The following TJP2 variants were observed in gnomAD, a reference collection of about 807,000 sequenced individuals.
TJP2 encodes Friedreich ataxia region gene X104 (tight junction protein ZO-2).
Under a neutral mutation model 133.1 loss-of-function variants are expected in TJP2, and 91 were observed. That is an observed-to-expected ratio of 0.68 (90% CI 0.58 to 0.81). The LOEUF is 0.81. Among genes scored for constraint, TJP2 ranks in the 40% least tolerant of loss-of-function variants. TJP2 has a pLI of 0.00. For synonymous variants in TJP2, 592 were observed against 583.4 expected (o/e 1.01, Z -0.21); for missense variants, 1,541 against 1,565.6 (o/e 0.98, Z 0.26).
chr9:69,176,311 A>G (rs1044201578), intron 1 of TJP2, among the ~76,000 whole-genome samples: 4 of 151,896 alleles, frequency 2.6e-5, no homozygotes, highest in African/African-American at 7.3e-5. Flanking sequence ...GGTGGATGCT[A>G]CGTAAATGGT....
chr9:69,145,149 A>G (rs1476845143), intron 1 of TJP2, among the ~76,000 whole-genome samples: 2 of 152,222 alleles, frequency 1.3e-5, no homozygotes, highest in Non-Finnish European at 2.9e-5. Flanking sequence ...AATCTTTGCT[A>G]TTGACCCAAG....
In TJP2 at chr9:69,211,162, G is replaced by A. The variant is rs184634157; in HGVS notation, c.61-1386G>A. ...AGACCAGCCTGATCAACATGGTGAA[G>A]CCCCATCTCTACTAAAATACAAAAA... is the stretch of plus-strand genomic sequence containing the variant. On this transcript the variant is annotated intron_variant, in intron 1 of 22. Transcript: ENST00000377245. Among the ~76,000 whole-genome samples the A allele has an allele frequency of 1.2e-4, 19 of 152,238 alleles. No homozygotes were observed. In the East Asian group the frequency reaches 3.7e-3, roughly 29 times the overall value.
intron 2 of TJP2, among the ~76,000 whole-genome samples, chr9:69,162,476 AT>A (rs1468703564): frequency 6.6e-6 from 1 of 152,204 alleles, no homozygotes; most frequent in Non-Finnish European, 1.5e-5. Flanking sequence ...CTCATTATCT[AT>A]GCTAAATGAA....
intron 1 of TJP2, chr9:69,204,970 G>T: frequency 7.6e-7 from 1 of 1,312,756 alleles, no homozygotes. Flanking sequence ...TTTCTTTTTT[G>T]CTCATAAGTA....
intron 1 of TJP2, among the ~76,000 whole-genome samples, chr9:69,139,092 C>T (rs1179152242): frequency 1.3e-5 from 2 of 151,848 alleles, no homozygotes; most frequent in Non-Finnish European, 2.9e-5. Flanking sequence ...TGGCTCACAC[C>T]TGTAATCCCA....
chr9:69,169,383 A>T (rs973247440), upstream of TJP2, among the ~76,000 whole-genome samples: 9 of 115,106 alleles, frequency 7.8e-5, no homozygotes, highest in African/African-American at 3.0e-4. Context: ...GGGGGGATGG[A>T]GTTTCACTCT....
rs1426616015 is a variant in TJP2, at chr9:69,126,689, G to A, written c.-131+4964G>A. ...AATGTAAAATGATAACAAAGGCTAC[G>A]CACCTCCATTTGGGAGAAATTTATA... On this transcript the variant is annotated intron_variant, in intron 1 of 5. Transcript: ENST00000423935. Among the ~76,000 whole-genome samples the A allele has an allele frequency of 3.9e-5, 3 of 77,302 alleles. 1 individual carries two copies. Among genetic ancestry groups the A allele is most frequent in the Non-Finnish European group, 8.9e-5 (3 of 33,534 alleles). 50.7% of individuals were successfully genotyped at this position (77,302 alleles called of 152,430 possible). A position where few individuals can be genotyped will look rare whatever the true frequency, so the allele number is the denominator to read the frequency against.
At position 69,254,681 on chromosome 9, in the gene TJP2, T is replaced by C. The variant is rs928813372; in HGVS notation, c.*307T>C. On this transcript the variant is annotated 3_prime_UTR_variant, in exon 23 of 23. Coordinates refer to ENST00000377245, the MANE Select transcript of TJP2 (RefSeq NM_004817.4). ...GTATTCTGTTTGCGTACTTGTAATA[T>C]GTATATTAAGAAGCAATAACTATTT... 14 of 586,326 alleles carry C rather than the reference T, an allele frequency of 2.4e-5. No individual in the cohort carries two copies. Among genetic ancestry groups the C allele is most frequent in the African/African-American group, 1.3e-4 (7 of 53,738 alleles). 36.3% of individuals were successfully genotyped at this position (586,326 alleles called of 1,614,324 possible).
rs530016219 is a variant in TJP2, at chr9:69,193,730, T to A, written c.61-18818T>A. ...ATTTCATCTGCTGTGTTTTATTAAGTCAAAAGAATTAGGAAGGCTTGTTGA... is the reference window on the plus strand; with the variant it reads ...ATTTCATCTGCTGTGTTTTATTAAGACAAAAGAATTAGGAAGGCTTGTTGA... On this transcript the variant is annotated intron_variant, in intron 1 of 22. Coordinates refer to ENST00000377245, the MANE Select transcript of TJP2 (RefSeq NM_004817.4). 2.7e-5 allele frequency among the ~76,000 whole-genome samples: 4 copies of A among 150,652 alleles called. No homozygotes were observed. In the East Asian group the frequency reaches 7.8e-4, roughly 29 times the overall value.
At chr9:69,210,678 C>G (rs1446478813) in intron 1 of TJP2, among the ~76,000 whole-genome samples, 1 of 152,040 alleles carries the variant, frequency 6.6e-6, no homozygotes, top group Non-Finnish European at 1.5e-5. Context: ...CCATTCACCA[C>G]CCAGTCCCAG....
rs1824237690 is a variant in TJP2, at chr9:69,164,301, G to A, written c.-10+12530G>A. 2.6e-5 allele frequency among the ~76,000 whole-genome samples: 4 copies of A among 151,866 alleles called. 1 individual carries two copies. The highest frequency in any genetic ancestry group is 2.1e-4 in the South Asian group (1 of 4,808). On this transcript the variant is annotated intron_variant, in intron 2 of 5. Coordinates refer to the TJP2 transcript ENST00000423935. The stretch of plus-strand genomic sequence containing the variant: ...GGATCCTGAATTCTTAGAGCTAGCC[G>A]ATTCTGGTGATAAGTTTTTTAAAGC...
intron 1 of TJP2, among the ~76,000 whole-genome samples, chr9:69,186,956 CTG>C (rs1825898892): frequency 1.3e-5 from 2 of 152,158 alleles, no homozygotes; most frequent in South Asian, 2.1e-4. Context: ...ATAAATTTCT[CTG>C]TGGGCGTTTC....
At chr9:69,203,606 G>GTTTTT (rs1330482251) in intron 1 of TJP2, among the ~76,000 whole-genome samples, 2 of 57,588 alleles carry the variant, frequency 3.5e-5, no homozygotes, top group Admixed American at 2.2e-4. Flanking sequence ...GCCCAGCCTG[G>GTTTTT]ATTTTTTTTT....
chr9:69,139,835 G>C (rs1822933883), intron 1 of TJP2, among the ~76,000 whole-genome samples: 1 of 152,144 alleles, frequency 6.6e-6, no homozygotes, highest in Non-Finnish European at 1.5e-5. Flanking sequence ...TAGCTCTGTA[G>C]CAGGACAAAG....
chr9:69,178,843 CTG>C (rs1460419387), intron 1 of TJP2, among the ~76,000 whole-genome samples: 1 of 152,182 alleles, frequency 6.6e-6, no homozygotes, highest in African/African-American at 2.4e-5. Context: ...AAGGACATCA[CTG>C]TATTATCAAG....
At chr9:69,166,993 G>A (rs529192441) in intron 2 of TJP2, among the ~76,000 whole-genome samples, 1 of 151,722 alleles carries the variant, frequency 6.6e-6, no homozygotes, top group African/African-American at 2.4e-5. Flanking sequence ...AGCACTTTCG[G>A]AGGCCAAGAC....
chr9:69,144,041 C>T (rs1326097982), intron 1 of TJP2, among the ~76,000 whole-genome samples: 1 of 152,084 alleles, frequency 6.6e-6, no homozygotes, highest in African/African-American at 2.4e-5. Context: ...CTCTCTCTGT[C>T]ACCCAGGCTG....
At chr9:69,201,380 G>C (rs1826979464) in intron 1 of TJP2, among the ~76,000 whole-genome samples, 2 of 148,234 alleles carry the variant, frequency 1.3e-5, no homozygotes, top group South Asian at 2.2e-4. Flanking sequence ...CCTTTTCTTT[G>C]TCAGGTCTTT....
At chr9:69,148,769 C>T (rs954732379) in intron 1 of TJP2, among the ~76,000 whole-genome samples, 1 of 152,084 alleles carries the variant, frequency 6.6e-6, no homozygotes, top group Non-Finnish European at 1.5e-5. Context: ...GGCTACCAAC[C>T]GACAATTGAC....
Sources: allele counts gnomAD v4.1 joint callset (sites outside exome capture counted in the v4.1 genomes callset), GRCh38; gene constraint gnomAD v4.1.1; transcripts MANE v1.5; gene names NCBI Gene and HGNC (gene_info 2026-07-23, HGNC 2026-07-21).